PCDHA7: variants seen among roughly 807,000 people sequenced by gnomAD.
The protein encoded by PCDHA7 is protocadherin alpha-7.
PCDHA7 carries 37 observed loss-of-function variants against 57.2 expected under a neutral mutation model. That is an observed-to-expected ratio of 0.65 (90% CI 0.50 to 0.85). The LOEUF is 0.85. Ranked by LOEUF, PCDHA7 falls within the 40% of genes least tolerant of loss-of-function variation. The pLI is 0.00. For missense variants in PCDHA7, 1,188 were observed against 1,241.8 expected, an observed-to-expected ratio of 0.96 and a Z score of 0.65; for synonymous variants, 553 against 558.8, an observed-to-expected ratio of 0.99 and a Z score of 0.15.
At chr5:140,972,540 T>C (rs1375467339) in intron 1 of PCDHA7, among the ~76,000 whole-genome samples, 1 of 152,148 alleles carries the variant, frequency 6.6e-6, no homozygotes, top group East Asian at 1.9e-4. Context: ...AAATCACTTG[T>C]GCAGTGAGGA....
rs1554135734 is a variant in PCDHA7, at chr5:140,836,206, C to A, written c.1823C>A (p.Ser608Ter). 1.9e-6 allele frequency: 3 copies of A among 1,613,832 alleles called. No individual in the cohort carries two copies. Among genetic ancestry groups the A allele is most frequent in the Middle Eastern group, 1.6e-4 (1 of 6,062 alleles). ...GACTCAGGCTACAACGCGTGGCTTT[C>A]GTATGAGTTGCAACCGGTGGCGGCC... ...DADSGYNAWL[S>*]YELQPVAAGA... The change falls in exon 1 of 4, where the codon TCG (serine) becomes TAG (stop). Residue 608 changes from serine (S) to a stop codon, truncating the protein, a stop_gained. Coordinates refer to ENST00000525929, the MANE Select transcript of PCDHA7 (RefSeq NM_018910.3). LOFTEE classifies it high-confidence loss of function.
At chr5:140,932,709 A>G (rs2088560759) in intron 1 of PCDHA7, among the ~76,000 whole-genome samples, 1 of 151,956 alleles carries the variant, frequency 6.6e-6, no homozygotes, top group African/African-American at 2.4e-5. Context: ...TATAGACAAC[A>G]CAATAATATT....
At chr5:140,981,537 G>C (rs375537131) in intron 2 of PCDHA7, among the ~76,000 whole-genome samples, 2 of 152,290 alleles carry the variant, frequency 1.3e-5, no homozygotes, top group East Asian at 3.9e-4. Context: ...TCGTGCCACT[G>C]TACTCCAGCC....
chr5:140,926,370 A>G (rs1268539055), intron 1 of PCDHA7: 1 of 152,298 alleles, frequency 6.6e-6, no homozygotes, highest in African/African-American at 2.4e-5. Flanking sequence ...GGCGGCAGGA[A>G]GAGCCCAGCT....
At chr5:140,992,044 T>A (rs1160444128) in intron 3 of PCDHA7, among the ~76,000 whole-genome samples, 1 of 151,788 alleles carries the variant, frequency 6.6e-6, no homozygotes, top group African/African-American at 2.4e-5. Flanking sequence ...TGTGTGTGTG[T>A]GTGTGTGTGT....
intron 1 of PCDHA7, chr5:140,968,744 G>T: frequency 6.2e-7 from 1 of 1,614,164 alleles, no homozygotes; most frequent in Non-Finnish European, 8.5e-7. Context: ...CAACCTGACC[G>T]TGGTGGTCCG....
At position 140,993,525 on chromosome 5, in the gene PCDHA7, G is replaced by C. The variant is rs573802745; in HGVS notation, c.2503+10962G>C. On this transcript the variant is annotated intron_variant, in intron 3 of 3. Coordinates refer to ENST00000525929, the MANE Select transcript of PCDHA7 (RefSeq NM_018910.3). Reference sequence around the variant, plus strand: ...ACACACACACGGGGAGAGAGAGACAGAGAGAGAGAGAGATAGAGAAGTGAA... The same window carrying C: ...ACACACACACGGGGAGAGAGAGACACAGAGAGAGAGAGATAGAGAAGTGAA... Among the ~76,000 whole-genome samples the C allele has an allele frequency of 4.8e-5, 7 of 147,308 alleles. No homozygotes were observed. The East Asian group carries it at 1.2e-3, about 24-fold the overall frequency.
Position 141,012,307 on chromosome 5 carries a change from T to G in PCDHA7, c.*2370T>G, listed in dbSNP as rs369179929. ...CATTTTGAATTGGTGCTATTGGTAT[T>G]TCCTCTGTTATTGCTAATAAATGAA... On this transcript the variant is annotated 3_prime_UTR_variant, in exon 4 of 4. Transcript: ENST00000525929. 1 of 153,794 alleles carries G rather than the reference T, an allele frequency of 6.5e-6. No homozygotes were observed. The highest frequency in any genetic ancestry group is 1.5e-5 in the Non-Finnish European group (1 of 68,040). 9.5% of individuals were successfully genotyped at this position (153,794 alleles called of 1,614,324 possible).
intron 1 of PCDHA7, chr5:140,857,401 G>C: frequency 1.9e-6 from 3 of 1,598,170 alleles, no homozygotes; most frequent in Non-Finnish European, 2.6e-6. Flanking sequence ...ACGACAACGC[G>C]CCTGCGTTCG....
chr5:140,897,409 A>G (rs945260120), intron 1 of PCDHA7, among the ~76,000 whole-genome samples: 16 of 140,532 alleles, frequency 1.1e-4, no homozygotes, highest in Non-Finnish European at 1.7e-4. Flanking sequence ...TCATTGTTCA[A>G]TTCCCATCTA....
chr5:140,849,155 C>G (rs1169680334), intron 1 of PCDHA7: 5 of 1,223,436 alleles, frequency 4.1e-6, no homozygotes, highest in Non-Finnish European at 4.5e-6. Context: ...GAGGCAAACC[C>G]GAGCTGACTG....
At chr5:140,897,154 T>C (rs530327361) in intron 1 of PCDHA7, among the ~76,000 whole-genome samples, 1 of 152,332 alleles carries the variant, frequency 6.6e-6, no homozygotes, top group African/African-American at 2.4e-5. Context: ...TTAACCATTC[T>C]TCTACTGTCT....
intron 1 of PCDHA7, among the ~76,000 whole-genome samples, chr5:140,924,916 T>A (rs551375956): frequency 7.0e-4 from 85 of 122,004 alleles, no homozygotes; most frequent in East Asian, 2.6e-3. Context: ...TAAAATAAAA[T>A]AAAATAAAAT....
chr5:140,956,820 G>C (rs246011), intron 1 of PCDHA7, among the ~76,000 whole-genome samples: 85,659 of 151,910 alleles, frequency 0.56, 24,765 homozygotes, highest in African/African-American at 0.69. Context: ...GCTTCAATTT[G>C]TAATTTAATA....
At chr5:140,924,175 A>G (rs1179259744) in intron 1 of PCDHA7, among the ~76,000 whole-genome samples, 4 of 152,244 alleles carry the variant, frequency 2.6e-5, no homozygotes, top group Non-Finnish European at 5.9e-5. Context: ...CTGGCACTGA[A>G]GCAGAAAATT....
In PCDHA7 at chr5:140,858,082, G is replaced by C; in HGVS notation, c.2355+21344G>C. 4 of 1,597,832 alleles carry C rather than the reference G, an allele frequency of 2.5e-6. 1 individual carries two copies. Among genetic ancestry groups the C allele is most frequent in the Non-Finnish European group, 3.4e-6 (4 of 1,167,698 alleles). ...AGGGCAGCCAGGCACCCAAGGCCTC[G>C]TCGCGGGCTTCAGTGGGCGTGGCGC... On this transcript the variant is annotated intron_variant, in intron 1 of 3. Transcript: ENST00000525929.
intron 1 of PCDHA7, among the ~76,000 whole-genome samples, chr5:140,892,256 A>AT (rs1283359328): frequency 6.6e-6 from 1 of 151,996 alleles, no homozygotes; most frequent in Non-Finnish European, 1.5e-5. Context: ...GTTATCTTTG[A>AT]TTTTGTGCTG....
chr5:140,877,054 C>T (rs1226224209), intron 1 of PCDHA7: 3 of 1,612,658 alleles, frequency 1.9e-6, no homozygotes, highest in African/African-American at 2.7e-5. Flanking sequence ...CCACGAGGAG[C>T]TGGAGCTGCT....
At chr5:140,962,676 G>C (rs1201696145) in intron 1 of PCDHA7, among the ~76,000 whole-genome samples, 1 of 152,126 alleles carries the variant, frequency 6.6e-6, no homozygotes, top group Non-Finnish European at 1.5e-5. Context: ...CCATCCACTG[G>C]ATGTTTTATC....
Sources: allele counts gnomAD v4.1 joint callset (sites outside exome capture counted in the v4.1 genomes callset), GRCh38; gene constraint gnomAD v4.1.1; transcripts MANE v1.5; gene names NCBI Gene and HGNC (gene_info 2026-07-23, HGNC 2026-07-21).